CHFR: variants seen among roughly 807,000 people sequenced by gnomAD.
CHFR encodes checkpoint with forkhead and ring finger domains.
CHFR carries 57 observed loss-of-function variants against 87.6 expected under a neutral mutation model. The ratio of observed to expected loss-of-function variants is 0.65; its 90% CI spans 0.53 to 0.81. The LOEUF (loss-of-function observed/expected upper bound fraction) is 0.81. Among genes scored for constraint, CHFR ranks in the 30% least tolerant of loss-of-function variants. The probability of loss-of-function intolerance (pLI) is 0.00; values close to 1 mark genes in which losing one functional copy is unlikely to be tolerated. For synonymous variants in CHFR, 381 were observed against 359.2 expected, an observed-to-expected ratio of 1.06 and a Z score of -0.69; for missense variants, 797 against 865.8, an observed-to-expected ratio of 0.92 and a Z score of 1.00.
chr12:132,878,624 C>T (rs1951688609), intron 2 of CHFR, among the ~76,000 whole-genome samples: 1 of 151,768 alleles, frequency 6.6e-6, no homozygotes, highest in Non-Finnish European at 1.5e-5. Flanking sequence ...TCGAGACCAT[C>T]CTGGCTAACA....
Position 132,835,640 on chromosome 12 carries a change from C to G in CHFR, c.*5914G>C. Reference sequence around the variant, plus strand: ...GGAGACAGACCAAAGAGGAACCGGCCCCGCTGACACCCTGATCTCAGAGTT... The same window carrying G: ...GGAGACAGACCAAAGAGGAACCGGCGCCGCTGACACCCTGATCTCAGAGTT... On this transcript the variant is annotated 3_prime_UTR_variant, in exon 18 of 18. Transcript: ENST00000450056. 2 of 193,674 alleles carry G rather than the reference C, an allele frequency of 1.0e-5. No individual in the cohort carries two copies. Among genetic ancestry groups the G allele is most frequent in the South Asian group, 1.5e-4 (2 of 13,788 alleles). The allele number at this position is 193,674 out of a possible 1,614,324, so 12.0% of individuals were successfully genotyped here.
In CHFR at chr12:132,841,611, T is replaced by G. The variant is rs367716640; in HGVS notation, c.1917-15A>C. ...GATTGAATTTCCTGCAGGGAGAAAA[T>G]GGCCAAATTACACAAGAGAGCATTG... On this transcript the variant is annotated splice_polypyrimidine_tract_variant and intron_variant, in intron 17 of 17. Coordinates refer to ENST00000450056, the MANE Select transcript of CHFR (RefSeq NM_001161346.2). The G allele has an allele frequency of 6.2e-7, 1 of 1,610,674 alleles. No homozygotes were observed. Among genetic ancestry groups the G allele is most frequent in the Admixed American group, 1.7e-5 (1 of 60,004 alleles).
Position 132,887,416 on chromosome 12 carries a change from G to C in CHFR, c.-12-76C>G, listed in dbSNP as rs1343452358. 6.2e-6 allele frequency: 7 copies of C among 1,136,704 alleles called. No individual in the cohort carries two copies. In the East Asian group the frequency reaches 2.7e-4, roughly 44 times the overall value. 70.4% of individuals were successfully genotyped at this position (1,136,704 alleles called of 1,614,324 possible). ...GACTCGGCGCCCGCCCCACCCCGCG[G>C]GCCCCGGCCCGGCCGCCCGCGCCCA... On this transcript the variant is annotated intron_variant, in intron 1 of 17. Coordinates refer to ENST00000450056, the MANE Select transcript of CHFR (RefSeq NM_001161346.2).
chr12:132,845,311 T>C (rs79942025), intron 15 of CHFR, among the ~76,000 whole-genome samples: 4 of 151,612 alleles, frequency 2.6e-5, no homozygotes, highest in Non-Finnish European at 4.4e-5. Flanking sequence ...AAAAAAAAAT[T>C]AGCTGGGCAT....
At chr12:132,869,908 A>T in intron 5 of CHFR, 110 bp from the exon 6 acceptor site, 1 of 1,316,372 alleles carries the variant, frequency 7.6e-7, no homozygotes, top group South Asian at 1.3e-5. Flanking sequence ...AAATGCTCTT[A>T]AGAATGCAAC....
chr12:132,864,915 T>G (rs1463939802), intron 6 of CHFR, among the ~76,000 whole-genome samples: 1 of 152,218 alleles, frequency 6.6e-6, no homozygotes, highest in East Asian at 1.9e-4. Context: ...CATTGGTGGA[T>G]AGGAACAGGA....
chr12:132,863,176 G>A (rs1315832046), intron 6 of CHFR, among the ~76,000 whole-genome samples: 4 of 149,260 alleles, frequency 2.7e-5, no homozygotes, highest in Non-Finnish European at 4.5e-5. Flanking sequence ...GATTACAGGC[G>A]TGAGCCACCG....
intron 2 of CHFR, among the ~76,000 whole-genome samples, chr12:132,886,622 T>C (rs1337318210): frequency 6.6e-6 from 1 of 152,230 alleles, no homozygotes; most frequent in Non-Finnish European, 1.5e-5. Flanking sequence ...TATGACTTTG[T>C]TCAAGTTTTT....
chr12:132,877,362 T>C (rs112903909), intron 3 of CHFR, among the ~76,000 whole-genome samples, 193 bp downstream of exon 3: 2,747 of 152,310 alleles, frequency 0.018, 44 homozygotes, highest in Non-Finnish European at 0.029. Context: ...GATCAAATTG[T>C]CTGACACATT....
intron 12 of CHFR, chr12:132,849,048 G>A (rs977144432): frequency 5.0e-5 from 13 of 258,640 alleles, no homozygotes; most frequent in Admixed American, 5.2e-5. Flanking sequence ...CTGGGTTCAA[G>A]GGATCCACCC....
rs372093401 is a variant in CHFR at position 132,887,298 on chromosome 12, G to A, written c.31C>T (p.Pro11Ser). 154 of 1,482,674 alleles carry A rather than the reference G, an allele frequency of 1.0e-4. No homozygotes were observed. The highest frequency in any genetic ancestry group is 1.1e-4 in the Non-Finnish European group (129 of 1,124,022). The allele number at this position is 1,482,674 out of a possible 1,614,324, so 91.8% of individuals were successfully genotyped here. The change falls in exon 2 of 18, where the codon CCG (proline) becomes TCG (serine). Residue 11 changes from proline to serine, a missense_variant. By Grantham distance (74) the Pro-to-Ser change is moderately conservative. Around this residue, in one of 2 missense-constraint regions of CHFR, gnomAD observed 597 missense variants for 601.2 expected, o/e 0.99. Coordinates refer to ENST00000450056, the MANE Select transcript of CHFR (RefSeq NM_001161346.2). ...AGCCGTCCCCAGGGCTGCGGCGGCG[G>A]CGACTGCTTGCCTTCCTCGGGCCGC... is the stretch of plus-strand genomic sequence containing the variant. MERPEEGKQSPPPQPWGRLLR... is the reference protein window; with the variant it reads MERPEEGKQSSPPQPWGRLLR...
At chr12:132,882,363 C>T (rs570114988) in intron 2 of CHFR, among the ~76,000 whole-genome samples, 8 of 152,140 alleles carry the variant, frequency 5.3e-5, no homozygotes, top group Non-Finnish European at 8.8e-5. Context: ...TGCCAGGAGC[C>T]GGGACTCAGG....
intron 13 of CHFR, 94 bp downstream of exon 13, chr12:132,848,547 C>T (rs1950874617): frequency 3.2e-6 from 3 of 947,154 alleles, no homozygotes; most frequent in Non-Finnish European, 4.9e-6. Flanking sequence ...TCCCTATAAA[C>T]ATCAGGCTAT....
Position 132,853,437 on chromosome 12 carries a change from T to A in CHFR, c.1366A>T (p.Thr456Ser), listed in dbSNP as rs1355326421. 2 of 1,522,620 alleles carry A rather than the reference T, an allele frequency of 1.3e-6. No individual in the cohort carries two copies. Among genetic ancestry groups the A allele is most frequent in the Non-Finnish European group, 1.7e-6 (2 of 1,144,022 alleles). 94.3% of individuals were successfully genotyped at this position (1,522,620 alleles called of 1,614,324 possible). A position where few individuals can be genotyped will look rare whatever the true frequency, so the allele number is the denominator to read the frequency against. ...GDAPSTSVSL[T>S]TAVQDYVCPL... ...TGAGGGCGGCGCGGCTCACCTGTCG[T>A]CAGGCTGACGGACGTGGAGGGTGCA... The change falls in exon 11 of 18, where the codon ACG becomes TCG. Residue 456 changes from threonine (T) to serine (S), a missense_variant. Thr to Ser is a moderately conservative substitution (Grantham distance 58). Coordinates refer to ENST00000450056, the MANE Select transcript of CHFR (RefSeq NM_001161346.2).
intron 2 of CHFR, among the ~76,000 whole-genome samples, chr12:132,884,800 T>A (rs1256864865): frequency 1.3e-5 from 2 of 152,086 alleles, no homozygotes; most frequent in African/African-American, 4.8e-5. Flanking sequence ...TGAAAATAAA[T>A]TTCTGGCCAG....
intron 15 of CHFR, among the ~76,000 whole-genome samples, chr12:132,846,394 C>CT (rs1264198531): frequency 6.6e-6 from 1 of 151,888 alleles, no homozygotes; most frequent in Non-Finnish European, 1.5e-5. Context: ...TCCCGAGTAG[C>CT]TGGGACTACA....
intron 2 of CHFR, among the ~76,000 whole-genome samples, 155 bp from the exon 3 acceptor site, chr12:132,877,809 T>C (rs1233387653): frequency 6.6e-6 from 1 of 151,976 alleles, no homozygotes; most frequent in East Asian, 1.9e-4. Context: ...AAGAAATTTT[T>C]TTTTTTTTCT....
chr12:132,879,870 A>G (rs1390317819), intron 2 of CHFR, among the ~76,000 whole-genome samples: 3 of 152,232 alleles, frequency 2.0e-5, no homozygotes, highest in Admixed American at 6.5e-5. Flanking sequence ...GCATGCAAAC[A>G]TACTTTTCCT....
intron 2 of CHFR, among the ~76,000 whole-genome samples, chr12:132,879,731 T>G (rs906878940): frequency 2.0e-5 from 3 of 152,114 alleles, no homozygotes; most frequent in African/African-American, 7.2e-5. Flanking sequence ...ATACTTGCCC[T>G]CTCCTTAAAT....
Sources: allele counts gnomAD v4.1 joint callset (sites outside exome capture counted in the v4.1 genomes callset), GRCh38; gene constraint gnomAD v4.1.1; regional missense constraint gnomAD v4.1.1; transcripts MANE v1.5; gene names NCBI Gene and HGNC (gene_info 2026-07-23, HGNC 2026-07-21).